The following ACTR3C variants were observed in gnomAD, a reference collection of about 807,000 sequenced individuals.
ACTR3C encodes actin-related protein 3C.
ACTR3C carries 18 observed loss-of-function variants against 26.3 expected under a neutral mutation model. The ratio of observed to expected loss-of-function variants is 0.68; its 90% CI spans 0.47 to 1.01. The LOEUF is 1.01. Ranked by LOEUF, ACTR3C falls within the 50% of genes least tolerant of loss-of-function variation. ACTR3C has a pLI of 0.00. For missense variants in ACTR3C, 184 were observed against 250.7 expected, an observed-to-expected ratio of 0.73 and a Z score of 1.80; for synonymous variants, 55 against 94.5, an observed-to-expected ratio of 0.58 and a Z score of 2.42.
At chr7:150,282,376 C>T (rs1835419366) in intron 6 of ACTR3C, among the ~76,000 whole-genome samples, 1 of 152,120 alleles carries the variant, frequency 6.6e-6, no homozygotes, top group Non-Finnish European at 1.5e-5. Flanking sequence ...TTTATCGTAA[C>T]ATATTCTGGT....
chr7:150,185,692 C>T, the ACTR3C span, among the ~76,000 whole-genome samples: 24 of 151,544 alleles, frequency 1.6e-4, no homozygotes, highest in Non-Finnish European at 3.1e-4. Flanking sequence ...TCTACCCTCC[C>T]TCTCTCCTAA....
chr7:150,185,569 C>T, the ACTR3C span, among the ~76,000 whole-genome samples: 1 of 151,848 alleles, frequency 6.6e-6, no homozygotes, highest in African/African-American at 2.4e-5. Flanking sequence ...TTAATCTAAC[C>T]CTGCTATCAA....
At chr7:150,199,696 AAAAAAT>A in the ACTR3C span, among the ~76,000 whole-genome samples, 1 of 143,978 alleles carries the variant, frequency 6.9e-6, no homozygotes, top group Non-Finnish European at 1.5e-5. Context: ...AGTAAAAAAA[AAAAAAT>A]AAATGTCATA....
chr7:150,058,890 G>A, the ACTR3C span, among the ~76,000 whole-genome samples: 11 of 152,110 alleles, frequency 7.2e-5, no homozygotes, highest in African/African-American at 2.7e-4. Context: ...CTGCACTCCA[G>A]CCTGGCCACA....
At chr7:149,920,986 C>A in the ACTR3C span, among the ~76,000 whole-genome samples, 3 of 151,370 alleles carry the variant, frequency 2.0e-5, no homozygotes, top group African/African-American at 7.3e-5. Flanking sequence ...GCTGGTCTGA[C>A]CCCAGGTGAT....
the ACTR3C span, among the ~76,000 whole-genome samples, chr7:150,211,166 A>G: frequency 6.7e-6 from 1 of 148,796 alleles, no homozygotes; most frequent in Non-Finnish European, 1.5e-5. Flanking sequence ...ACTGAAGTCT[A>G]AAGGACATCT....
the ACTR3C span, among the ~76,000 whole-genome samples, chr7:149,882,640 G>A: frequency 6.6e-6 from 1 of 152,186 alleles, no homozygotes; most frequent in Non-Finnish European, 1.5e-5. Context: ...GGCCCGAGGT[G>A]GGAACCTGCA....
At chr7:149,922,667 G>A in the ACTR3C span, among the ~76,000 whole-genome samples, 1 of 151,158 alleles carries the variant, frequency 6.6e-6, no homozygotes, top group Non-Finnish European at 1.5e-5. Context: ...TCTATTTTTG[G>A]TTAGTTTTGT....
At chr7:150,217,110 C>T in the ACTR3C span, among the ~76,000 whole-genome samples, 5 of 147,174 alleles carry the variant, frequency 3.4e-5, no homozygotes, top group African/African-American at 1.4e-4. Context: ...TAAAGTAATG[C>T]CTCATCTTGT....
At chr7:150,233,154 T>C in the ACTR3C span, among the ~76,000 whole-genome samples, 1 of 152,012 alleles carries the variant, frequency 6.6e-6, no homozygotes, top group African/African-American at 2.4e-5. Flanking sequence ...GAAGGTCTGA[T>C]GGTGATTATT....
chr7:150,003,071 A>C, the ACTR3C span: 6 of 152,264 alleles, frequency 3.9e-5, no homozygotes, highest in East Asian at 9.6e-4. Context: ...AAGTGGAAAG[A>C]AGTTGAGGTA....
chr7:149,939,164 G>C, the ACTR3C span, among the ~76,000 whole-genome samples: 139,193 of 151,802 alleles, frequency 0.92, 64,471 homozygotes, highest in Non-Finnish European at 0.99. Flanking sequence ...ATTTTTAGTA[G>C]AGACGGAATT....
the ACTR3C span, among the ~76,000 whole-genome samples, chr7:149,967,158 C>A: frequency 6.6e-6 from 1 of 150,764 alleles, no homozygotes; most frequent in Non-Finnish European, 1.5e-5. Flanking sequence ...CCTCAGCCTC[C>A]CTAGTAGCTG....
At chr7:150,250,202 C>CTTT (rs1192764981) in intron 6 of ACTR3C, among the ~76,000 whole-genome samples, 7 of 125,502 alleles carry the variant, frequency 5.6e-5, no homozygotes, top group South Asian at 2.4e-4. Flanking sequence ...CAGAATCTGA[C>CTTT]TTTTTTTTTT....
the ACTR3C span, among the ~76,000 whole-genome samples, chr7:150,237,160 G>T: frequency 6.6e-6 from 1 of 152,128 alleles, no homozygotes; most frequent in Non-Finnish European, 1.5e-5. Flanking sequence ...GCTGGAGGAA[G>T]AACTGCGGAG....
At chr7:150,192,694 T>G in the ACTR3C span, among the ~76,000 whole-genome samples, 1 of 152,206 alleles carries the variant, frequency 6.6e-6, no homozygotes, top group East Asian at 1.9e-4. Flanking sequence ...TTCCTTCAAT[T>G]TATTTAATTG....
At chr7:150,103,927 G>A in the ACTR3C span, among the ~76,000 whole-genome samples, 32 of 151,830 alleles carry the variant, frequency 2.1e-4, no homozygotes, top group South Asian at 6.2e-4. Context: ...ACCTTTTGTC[G>A]TTTGTAGACT....
the ACTR3C span, among the ~76,000 whole-genome samples, chr7:150,210,016 A>G: frequency 3.3e-5 from 5 of 151,120 alleles, no homozygotes; most frequent in South Asian, 8.4e-4. Context: ...TTTATGAAAA[A>G]CTCTCAACTC....
chr7:150,221,901 G>A, the ACTR3C span, among the ~76,000 whole-genome samples: 1 of 151,122 alleles, frequency 6.6e-6, no homozygotes, highest in Non-Finnish European at 1.5e-5. Flanking sequence ...GGGAGGCTGA[G>A]GCGAGAGAAT....
Sources: allele counts gnomAD v4.1 joint callset (sites outside exome capture counted in the v4.1 genomes callset), GRCh38; gene constraint gnomAD v4.1.1; transcripts MANE v1.5; gene names NCBI Gene and HGNC (gene_info 2026-07-23, HGNC 2026-07-21).